The following CHRM5 variants were observed in gnomAD, a reference collection of about 807,000 sequenced individuals.
CHRM5 encodes the protein cholinergic receptor muscarinic 5, also known as muscarinic acetylcholine receptor M5.
Under a neutral mutation model 39.0 loss-of-function variants are expected in CHRM5, and 18 were observed. That is an observed-to-expected ratio of 0.46 (90% CI 0.32 to 0.68). The LOEUF is 0.68. Among genes scored for constraint, CHRM5 ranks in the 30% least tolerant of loss-of-function variants. The probability of loss-of-function intolerance (pLI) is 0.04; values close to 1 mark genes in which losing one functional copy is unlikely to be tolerated. For synonymous variants in CHRM5, 241 were observed against 246.3 expected, an observed-to-expected ratio of 0.98 and a Z score of 0.20; for missense variants, 515 against 651.1, an observed-to-expected ratio of 0.79 and a Z score of 2.28.
intron 2 of CHRM5, among the ~76,000 whole-genome samples, chr15:34,048,660 A>G (rs192290171): frequency 1.3e-3 from 197 of 152,280 alleles, no homozygotes; most frequent in African/African-American, 4.6e-3. Context: ...TGGACAAGGA[A>G]CAGTGCCCCC....
intron 1 of CHRM5, among the ~76,000 whole-genome samples, chr15:33,987,682 T>C (rs1896537189): frequency 6.6e-6 from 1 of 152,184 alleles, no homozygotes; most frequent in East Asian, 1.9e-4. Flanking sequence ...CCTCCTCTAT[T>C]TATCTCTCTC....
chr15:34,029,409 G>C (rs2140752610), intron 1 of CHRM5, among the ~76,000 whole-genome samples: 1 of 151,818 alleles, frequency 6.6e-6, no homozygotes, highest in East Asian at 1.9e-4. Context: ...AACCGGGCAA[G>C]GTGGCTCATG....
chr15:33,973,115 C>A (rs1235143816), intron 1 of CHRM5, among the ~76,000 whole-genome samples: 1 of 152,128 alleles, frequency 6.6e-6, no homozygotes, highest in Non-Finnish European at 1.5e-5. Context: ...GAATCTGGAC[C>A]AATCAGAAAA....
chr15:34,011,360 AAATAT>A (rs1281026878), intron 1 of CHRM5, among the ~76,000 whole-genome samples: 3 of 152,224 alleles, frequency 2.0e-5, no homozygotes, highest in African/African-American at 7.2e-5. Context: ...GTATTAAATA[AAATAT>A]ATGTTGTATA....
intron 1 of CHRM5, among the ~76,000 whole-genome samples, chr15:33,982,279 C>T (rs1896186681): frequency 6.6e-6 from 1 of 151,950 alleles, no homozygotes; most frequent in Admixed American, 6.6e-5. Context: ...AGAGGTTGGC[C>T]CTAATGCATT....
At chr15:34,029,034 TC>T (rs1367557104) in intron 1 of CHRM5, among the ~76,000 whole-genome samples, 3 of 152,172 alleles carry the variant, frequency 2.0e-5, no homozygotes, top group African/African-American at 7.2e-5. Flanking sequence ...TGTCCACAAC[TC>T]TTCACCTCTA....
Position 34,063,558 on chromosome 15 carries a change from A to T in CHRM5, c.841A>T (p.Thr281Ser), listed in dbSNP as rs914764876. 5 of 1,613,486 alleles carry T rather than the reference A, an allele frequency of 3.1e-6. No individual in the cohort carries two copies. The Admixed American group carries it at 8.3e-5, about 27-fold the overall frequency. ...WSSSRRSTSTTGKPSQATGPS... is the reference protein window; with the variant it reads ...WSSSRRSTSTSGKPSQATGPS... ...ATCCTCCCGCAGGAGCACCTCCACC[A>T]CTGGGAAGCCATCCCAAGCCACTGG... Residue 281 changes from threonine (T) to serine (S), a missense_variant, in exon 3 of 3, where the codon ACT becomes TCT. By Grantham distance (58) the Thr-to-Ser change is moderately conservative (BLOSUM62 1). Coordinates refer to ENST00000383263, the MANE Select transcript of CHRM5 (RefSeq NM_012125.4). This position sits in a 1 kb window ranked among gnomAD's most constrained non-coding sequence, Gnocchi z 4.1.
chr15:33,989,955 G>GC (rs1896646749), intron 1 of CHRM5, among the ~76,000 whole-genome samples: 3 of 151,338 alleles, frequency 2.0e-5, no homozygotes, highest in African/African-American at 7.3e-5. Context: ...TCTAATCCCA[G>GC]CACTTTGGGA....
intron 1 of CHRM5, among the ~76,000 whole-genome samples, chr15:33,971,074 G>GA (rs200479383): frequency 4.6e-5 from 7 of 150,922 alleles, no homozygotes; most frequent in East Asian, 1.9e-4. Context: ...CATGTAGGGT[G>GA]AAAAAAAAAT....
At chr15:34,038,923 CT>C in intron 1 of CHRM5, 1 of 715,700 alleles carries the variant, frequency 1.4e-6, no homozygotes, top group South Asian at 5.1e-5. Context: ...CCGCCGCCGC[CT>C]CCGCCGCCGC....
intron 1 of CHRM5, among the ~76,000 whole-genome samples, chr15:34,036,077 C>T (rs1054827002): frequency 7.9e-5 from 12 of 151,372 alleles, no homozygotes; most frequent in African/African-American, 2.7e-4. Context: ...ATTACAAGCG[C>T]GAGCCACCAC....
intron 2 of CHRM5, among the ~76,000 whole-genome samples, chr15:34,055,264 G>A (rs1350438437): frequency 6.6e-6 from 1 of 151,394 alleles, no homozygotes; most frequent in African/African-American, 2.4e-5. Context: ...TTGGGAGGCC[G>A]AGGTGGGTGG....
rs1376241775 is a variant in CHRM5, at chr15:34,064,423, T to C, written c.*107T>C. 9 of 1,351,050 alleles carry C rather than the reference T, an allele frequency of 6.7e-6. No individual in the cohort carries two copies. Among genetic ancestry groups the C allele is most frequent in the Non-Finnish European group, 8.9e-6 (9 of 1,009,860 alleles). The allele number at this position is 1,351,050 out of a possible 1,614,324, so 83.7% of individuals were successfully genotyped here. A position where few individuals can be genotyped will look rare whatever the true frequency, so the allele number is the denominator to read the frequency against. ...TTTTCAAAAAGAAGACATCTCATTT[T>C]GAGTCCTTGAAGATTTTTGTAAAGG... is the stretch of plus-strand genomic sequence containing the variant. On this transcript the variant is annotated 3_prime_UTR_variant, in exon 3 of 3. Coordinates refer to ENST00000383263, the MANE Select transcript of CHRM5 (RefSeq NM_012125.4).
chr15:34,007,256 T>A (rs1897396443), intron 1 of CHRM5, among the ~76,000 whole-genome samples: 1 of 152,186 alleles, frequency 6.6e-6, no homozygotes, highest in Non-Finnish European at 1.5e-5. Flanking sequence ...CAAGGGTCAT[T>A]TTTGACCTCA....
chr15:33,983,413 A>G (rs1427042968), intron 1 of CHRM5, among the ~76,000 whole-genome samples: 1 of 152,006 alleles, frequency 6.6e-6, no homozygotes, highest in Non-Finnish European at 1.5e-5. Flanking sequence ...TTCTTCAAAG[A>G]AATTGACAGA....
chr15:33,999,990 C>T (rs142833461), intron 1 of CHRM5, among the ~76,000 whole-genome samples: 2 of 152,284 alleles, frequency 1.3e-5, no homozygotes, highest in East Asian at 1.9e-4. Context: ...CGCATATTCG[C>T]TCACGTTGCT....
At chr15:34,039,119 G>C in intron 1 of CHRM5, 1 of 1,049,504 alleles carries the variant, frequency 9.5e-7, no homozygotes, top group Non-Finnish European at 1.1e-6. Flanking sequence ...CACCGGAAGC[G>C]GGCCGCACGG....
intron 1 of CHRM5, among the ~76,000 whole-genome samples, chr15:34,003,486 T>C (rs191083213): frequency 6.6e-6 from 1 of 152,364 alleles, no homozygotes; most frequent in Admixed American, 6.5e-5. Context: ...CCTATTTCAA[T>C]AGTTGCTTCA....
chr15:34,038,877 C>G (rs1479578815), intron 1 of CHRM5: 1 of 1,139,350 alleles, frequency 8.8e-7, no homozygotes. Context: ...GCGGAAGCCC[C>G]GGCCACGGCC....
Sources: allele counts gnomAD v4.1 joint callset (sites outside exome capture counted in the v4.1 genomes callset), GRCh38; gene constraint gnomAD v4.1.1; non-coding constraint Gnocchi (gnomAD v3.1); transcripts MANE v1.5; gene names NCBI Gene and HGNC (gene_info 2026-07-23, HGNC 2026-07-21).